Variants in RALGPS1 observed in about 807,000 individuals in gnomAD.
The protein encoded by RALGPS1 is Ral GEF with PH domain and SH3 binding motif 1.
RALGPS1 carries 19 observed loss-of-function variants against 78.8 expected under a neutral mutation model. The observed-to-expected ratio is 0.24, with a 90% CI of 0.17 to 0.35. The LOEUF is 0.35. RALGPS1 is among the 10% of genes least tolerant of loss of function. The pLI, the probability that RALGPS1 is intolerant of heterozygous loss-of-function variation, is 1.00. For synonymous variants in RALGPS1, 228 were observed against 256.3 expected (o/e 0.89, Z 1.06); for missense variants, 454 against 688.3 (o/e 0.66, Z 3.81).
At chr9:127,173,943 G>T (rs954588008) in intron 10 of RALGPS1, among the ~76,000 whole-genome samples, 12 of 152,142 alleles carry the variant, frequency 7.9e-5, no homozygotes, top group African/African-American at 2.2e-4. Flanking sequence ...AACCTGGGAG[G>T]CAGAGGGTGC....
chr9:127,071,323 G>C (rs982880394), intron 8 of RALGPS1, among the ~76,000 whole-genome samples: 1 of 151,916 alleles, frequency 6.6e-6, no homozygotes, highest in Non-Finnish European at 1.5e-5. Flanking sequence ...ATCAATCAAG[G>C]ATGTGCATTT....
At chr9:127,159,090 A>G (rs917908826) in intron 8 of RALGPS1, among the ~76,000 whole-genome samples, 2 of 152,168 alleles carry the variant, frequency 1.3e-5, no homozygotes, top group Admixed American at 1.3e-4. Flanking sequence ...TAAATGAGCT[A>G]GTACATGTAA....
chr9:127,029,213 GC>G (rs2046213868), intron 4 of RALGPS1, among the ~76,000 whole-genome samples: 1 of 152,048 alleles, frequency 6.6e-6, no homozygotes, highest in Admixed American at 6.6e-5. Flanking sequence ...CATCTCCTTA[GC>G]CCATTCTTAA....
At chr9:127,198,952 C>T (rs2061478662) in intron 13 of RALGPS1, 63 bp from the exon 14 acceptor site, 3 of 1,476,316 alleles carry the variant, frequency 2.0e-6, no homozygotes, top group Non-Finnish European at 2.8e-6. Flanking sequence ...GCTCGGTGAC[C>T]CAGGAGAACA....
intron 1 of RALGPS1, among the ~76,000 whole-genome samples, chr9:126,919,651 A>G (rs373143296): frequency 1.3e-5 from 2 of 152,356 alleles, no homozygotes; most frequent in South Asian, 2.1e-4. Context: ...TGCAAAGTAC[A>G]TACAGCAATA....
intron 10 of RALGPS1, among the ~76,000 whole-genome samples, chr9:127,169,362 C>T (rs1163448335): frequency 2.6e-5 from 4 of 152,200 alleles, no homozygotes; most frequent in Non-Finnish European, 4.4e-5. Context: ...CCTTTGGCCT[C>T]ATCTTCCACT....
At chr9:127,042,242 C>T (rs931162962) in intron 5 of RALGPS1, among the ~76,000 whole-genome samples, 3 of 151,920 alleles carry the variant, frequency 2.0e-5, no homozygotes, top group Non-Finnish European at 2.9e-5. Context: ...TAGCTAAATG[C>T]CAGTGCTAGC....
intron 4 of RALGPS1, among the ~76,000 whole-genome samples, chr9:126,993,070 G>C (rs2042414168): frequency 6.6e-6 from 1 of 152,164 alleles, no homozygotes; most frequent in Admixed American, 6.5e-5. Flanking sequence ...TTTACTAAGA[G>C]TTTAATCTGG....
intron 5 of RALGPS1, among the ~76,000 whole-genome samples, chr9:127,048,590 T>C (rs952641629): frequency 6.6e-5 from 10 of 152,240 alleles, no homozygotes; most frequent in Admixed American, 1.3e-4. Context: ...CAACATGGAC[T>C]GCAGTTCCAG....
intron 8 of RALGPS1, among the ~76,000 whole-genome samples, chr9:127,102,159 A>G (rs1189037263): frequency 6.6e-6 from 1 of 152,192 alleles, no homozygotes; most frequent in Non-Finnish European, 1.5e-5. Flanking sequence ...GGAAGTATAT[A>G]CTTCATTACT....
intron 11 of RALGPS1, among the ~76,000 whole-genome samples, chr9:127,176,062 A>T (rs1026971979): frequency 2.0e-5 from 3 of 152,010 alleles, no homozygotes; most frequent in African/African-American, 7.3e-5. Flanking sequence ...GCATTGGACA[A>T]GCCAGACCCT....
At chr9:127,177,938 A>G in intron 11 of RALGPS1, 1 of 1,548,688 alleles carries the variant, frequency 6.5e-7, no homozygotes, top group Non-Finnish European at 8.7e-7. Context: ...AACCTCCAGC[A>G]TCAGAGCCCT....
chr9:127,208,351 T>G (rs2130834178), intron 14 of RALGPS1, among the ~76,000 whole-genome samples: 1 of 152,312 alleles, frequency 6.6e-6, no homozygotes, highest in East Asian at 1.9e-4. Flanking sequence ...GCCCCCACAG[T>G]GGGTCCAGTC....
intron 1 of RALGPS1, among the ~76,000 whole-genome samples, chr9:126,949,433 C>T (rs777680): frequency 0.59 from 88,667 of 151,476 alleles, 30,111 homozygotes; most frequent in East Asian, 0.81. Flanking sequence ...CCACCAACAG[C>T]GTCAAAGTGT....
intron 3 of RALGPS1, among the ~76,000 whole-genome samples, chr9:126,970,703 C>T (rs1265595292): frequency 6.6e-6 from 1 of 151,974 alleles, no homozygotes; most frequent in African/African-American, 2.4e-5. Context: ...TGAAAGCAAC[C>T]TAAAACAGCT....
At chr9:127,116,803 A>G (rs1312271439) in intron 8 of RALGPS1, among the ~76,000 whole-genome samples, 1 of 152,210 alleles carries the variant, frequency 6.6e-6, no homozygotes, top group East Asian at 1.9e-4. Flanking sequence ...TCTTTGAGGC[A>G]GGGGCTATGA....
intron 14 of RALGPS1, among the ~76,000 whole-genome samples, chr9:127,210,130 G>A (rs781367523): frequency 5.3e-5 from 8 of 152,218 alleles, no homozygotes; most frequent in Non-Finnish European, 1.2e-4. Flanking sequence ...CCAGAGGGCC[G>A]CCCACGGAGC....
intron 4 of RALGPS1, among the ~76,000 whole-genome samples, chr9:126,978,712 A>T (rs1007867356): frequency 2.0e-5 from 3 of 152,022 alleles, no homozygotes; most frequent in African/African-American, 7.3e-5. Flanking sequence ...CCAGAGAGCC[A>T]CCAGGACACA....
chr9:127,098,288 T>G (rs957595979), intron 8 of RALGPS1, among the ~76,000 whole-genome samples: 1 of 152,216 alleles, frequency 6.6e-6, no homozygotes, highest in Non-Finnish European at 1.5e-5. Flanking sequence ...CAGTGCAGAG[T>G]ACCTAGCGGT....
Sources: allele counts gnomAD v4.1 joint callset (sites outside exome capture counted in the v4.1 genomes callset), GRCh38; gene constraint gnomAD v4.1.1; transcripts MANE v1.5; gene names NCBI Gene and HGNC (gene_info 2026-07-23, HGNC 2026-07-21).